STK32B: variants seen among roughly 807,000 people sequenced by gnomAD.
STK32B encodes serine/threonine-protein kinase 32B.
In STK32B, 43 loss-of-function variants were observed where a neutral mutation model predicts 52.6. That is an observed-to-expected ratio of 0.82 (90% CI 0.64 to 1.05). STK32B has a LOEUF of 1.05. Ranked by LOEUF, STK32B falls within the 50% of genes least tolerant of loss-of-function variation. The pLI is 0.00. For missense variants in STK32B, 621 were observed against 534.6 expected, an observed-to-expected ratio of 1.16 and a Z score of -1.59; for synonymous variants, 238 against 204.3, an observed-to-expected ratio of 1.17 and a Z score of -1.41.
intron 6 of STK32B, among the ~76,000 whole-genome samples, chr4:5,439,312 G>A (rs1259124671): frequency 1.3e-5 from 2 of 151,444 alleles, no homozygotes; most frequent in Non-Finnish European, 3.0e-5. Flanking sequence ...GTGTGAGATG[G>A]TATTTCATTG....
chr4:5,288,844 G>T (rs1728709789), intron 3 of STK32B, among the ~76,000 whole-genome samples: 2 of 152,112 alleles, frequency 1.3e-5, no homozygotes, highest in African/African-American at 4.8e-5. Flanking sequence ...GAAATAATCT[G>T]TCAGCACAAA....
At chr4:5,019,455 C>T in the STK32B span, 2 of 1,454,132 alleles carry the variant, frequency 1.4e-6, no homozygotes, top group East Asian at 2.9e-5. Flanking sequence ...TGGTGCCAGG[C>T]GCTGGTGCAG....
chr4:5,203,209 A>G (rs1039023284), intron 3 of STK32B, among the ~76,000 whole-genome samples: 1 of 152,212 alleles, frequency 6.6e-6, no homozygotes, highest in Non-Finnish European at 1.5e-5. Context: ...TTAACAAAAG[A>G]GCATCCCCCA....
intron 3 of STK32B, among the ~76,000 whole-genome samples, chr4:5,273,856 G>T (rs1212487667): frequency 4.2e-5 from 5 of 119,244 alleles, no homozygotes; most frequent in African/African-American, 1.3e-4. Flanking sequence ...TGGGGGGAGG[G>T]GGGAGGGATA....
chr4:5,230,222 C>T (rs1198980970), intron 3 of STK32B, among the ~76,000 whole-genome samples: 1 of 107,398 alleles, frequency 9.3e-6, no homozygotes, highest in African/African-American at 3.9e-5. Context: ...TGGAGTCTTG[C>T]ACCGTCGCCC....
At chr4:5,166,840 C>A (rs1354583953) in intron 2 of STK32B, among the ~76,000 whole-genome samples, 2 of 152,154 alleles carry the variant, frequency 1.3e-5, no homozygotes, top group African/African-American at 2.4e-5. Context: ...TTAGCCCATA[C>A]AATCCTTGCT....
chr4:5,160,619 G>T (rs919529615), intron 2 of STK32B, among the ~76,000 whole-genome samples: 1 of 152,130 alleles, frequency 6.6e-6, no homozygotes, highest in Non-Finnish European at 1.5e-5. Flanking sequence ...CACCTCTCCC[G>T]TGTGTTTTCT....
chr4:5,252,061 C>T (rs1196834292), intron 3 of STK32B, among the ~76,000 whole-genome samples: 4 of 152,116 alleles, frequency 2.6e-5, no homozygotes, highest in African/African-American at 9.7e-5. Flanking sequence ...CCCAACGAGT[C>T]TTTGAAGAAA....
At chr4:5,410,837 T>G (rs1711597165) in intron 5 of STK32B, among the ~76,000 whole-genome samples, 1 of 152,194 alleles carries the variant, frequency 6.6e-6, no homozygotes, top group African/African-American at 2.4e-5. Context: ...TAATAGAAGT[T>G]TATTTCACAC....
intron 4 of STK32B, among the ~76,000 whole-genome samples, chr4:5,362,911 C>A (rs1734641244): frequency 6.6e-6 from 1 of 152,216 alleles, no homozygotes; most frequent in Non-Finnish European, 1.5e-5. Flanking sequence ...CTCCATACTG[C>A]CTGGGTGATT....
At chr4:5,144,812 C>T (rs1172116183) in intron 2 of STK32B, among the ~76,000 whole-genome samples, 1 of 152,072 alleles carries the variant, frequency 6.6e-6, no homozygotes, top group African/African-American at 2.4e-5. Context: ...ATCCATCCAT[C>T]CATCCATCCA....
At chr4:5,439,975 G>C (rs536070881) in intron 6 of STK32B, among the ~76,000 whole-genome samples, 63 of 152,128 alleles carry the variant, frequency 4.1e-4, no homozygotes, top group Non-Finnish European at 7.5e-4. Context: ...CTCTGTTTTG[G>C]TACAAGTACC....
At chr4:5,349,068 C>T (rs1733659831) in intron 4 of STK32B, among the ~76,000 whole-genome samples, 1 of 143,070 alleles carries the variant, frequency 7.0e-6, no homozygotes, top group Admixed American at 6.8e-5. Flanking sequence ...TTGTGACTAC[C>T]CATCATTCAT....
intron 11 of STK32B, 66 bp from the exon 12 acceptor site, chr4:5,498,879 T>C (rs1720499629): frequency 6.6e-7 from 1 of 1,516,170 alleles, no homozygotes; most frequent in East Asian, 2.4e-5. Flanking sequence ...CTGCCCAGTG[T>C]GTCTCCTGGA....
At chr4:5,377,583 A>C (rs1448460376) in intron 4 of STK32B, among the ~76,000 whole-genome samples, 2 of 152,078 alleles carry the variant, frequency 1.3e-5, no homozygotes, top group Non-Finnish European at 2.9e-5. Flanking sequence ...CTATGTCCCG[A>C]CCCCAATCTC....
chr4:5,456,736 C>G, intron 7 of STK32B, 71 bp from the exon 8 acceptor site: 5 of 1,307,526 alleles, frequency 3.8e-6, no homozygotes, highest in Non-Finnish European at 5.3e-6. Context: ...CATAATCATA[C>G]AATCTTAAAA....
chr4:5,382,136 A>C (rs1412439448), intron 4 of STK32B, among the ~76,000 whole-genome samples: 1 of 152,172 alleles, frequency 6.6e-6, no homozygotes, highest in Non-Finnish European at 1.5e-5. Flanking sequence ...CTTTACTCAA[A>C]GTCAACTGAC....
At position 5,400,901 on chromosome 4, in the gene STK32B, A is replaced by T. The variant is rs113362475; in HGVS notation, c.472+2657A>T. The stretch of plus-strand genomic sequence containing the variant: ...CAGGGTCCCAACGCTGATGGGTTTC[A>T]TGGTGTTGGGGAGAGTGTGGGGAAG... On this transcript the variant is annotated intron_variant, in intron 5 of 11. Coordinates refer to ENST00000282908, the MANE Select transcript of STK32B (RefSeq NM_018401.3). The surrounding 1 kb of genome is among the most constrained non-coding windows in gnomAD (Gnocchi z 6.1). 5.2e-4 allele frequency among the ~76,000 whole-genome samples: 79 copies of T among 152,174 alleles called. No homozygotes were observed. The highest frequency in any genetic ancestry group is 1.6e-3 in the African/African-American group (68 of 41,520).
At chr4:5,192,648 T>C (rs977442830) in intron 3 of STK32B, among the ~76,000 whole-genome samples, 2 of 152,242 alleles carry the variant, frequency 1.3e-5, no homozygotes, top group Admixed American at 6.5e-5. Flanking sequence ...TGTTTTGATA[T>C]GTGTACACAC....
Sources: gnomAD v4.1 joint callset for allele counts (sites outside exome capture counted in the v4.1 genomes callset) on GRCh38, gnomAD v4.1.1 for gene constraint, Gnocchi (gnomAD v3.1) non-coding constraint, MANE v1.5 for transcripts, NCBI Gene and HGNC (gene_info 2026-07-23, HGNC 2026-07-21) for gene names.